Variants in ZNF385B observed in about 807,000 individuals in gnomAD.
ZNF385B encodes the protein zinc finger protein 385B.
Under a neutral mutation model 39.2 loss-of-function variants are expected in ZNF385B, and 23 were observed. The ratio of observed to expected loss-of-function variants is 0.59; its 90% CI spans 0.42 to 0.83. The LOEUF (loss-of-function observed/expected upper bound fraction) is 0.83. Ranked by LOEUF, ZNF385B falls within the 40% of genes least tolerant of loss-of-function variation. ZNF385B has a pLI of 0.00. For synonymous variants in ZNF385B, 205 were observed against 222.6 expected (o/e 0.92, Z 0.70); for missense variants, 552 against 598.9 (o/e 0.92, Z 0.82).
At chr2:179,514,125 T>TGGG (rs2057905548) in intron 5 of ZNF385B, 1 of 152,240 alleles carries the variant, frequency 6.6e-6, no homozygotes, top group African/African-American at 2.4e-5. Context: ...CTCACTGGGC[T>TGGG]AACATCGAGG....
At chr2:179,652,864 A>G (rs1472208496) in intron 3 of ZNF385B, among the ~76,000 whole-genome samples, 2 of 144,270 alleles carry the variant, frequency 1.4e-5, no homozygotes, top group African/African-American at 2.5e-5. Context: ...AAAAAAAATC[A>G]TCAGAAGATT....
chr2:179,559,763 G>A (rs1052360655), intron 3 of ZNF385B, among the ~76,000 whole-genome samples: 15 of 151,886 alleles, frequency 9.9e-5, no homozygotes, highest in African/African-American at 3.6e-4. Context: ...ATGGTTACTT[G>A]TGTGTGTGGT....
intron 5 of ZNF385B, among the ~76,000 whole-genome samples, chr2:179,494,541 A>G (rs968449339): frequency 6.6e-6 from 1 of 152,322 alleles, no homozygotes; most frequent in South Asian, 2.1e-4. Flanking sequence ...GACATAAATC[A>G]TCCATAATTT....
chr2:179,511,673 A>G (rs1372007363), intron 5 of ZNF385B, among the ~76,000 whole-genome samples: 1 of 152,210 alleles, frequency 6.6e-6, no homozygotes, highest in Non-Finnish European at 1.5e-5. Context: ...AAATGTTTAT[A>G]CAAGTGGTTG....
intron 3 of ZNF385B, among the ~76,000 whole-genome samples, chr2:179,556,891 T>G (rs961796108): frequency 6.7e-6 from 1 of 148,776 alleles, no homozygotes; most frequent in Non-Finnish European, 1.5e-5. Context: ...AATCCAACAA[T>G]TGGCAGTTAT....
intron 3 of ZNF385B, among the ~76,000 whole-genome samples, chr2:179,737,529 T>C (rs1392195142): frequency 6.6e-6 from 1 of 152,204 alleles, no homozygotes; most frequent in African/African-American, 2.4e-5. Flanking sequence ...TTTTAGGTTT[T>C]AACTTTCAGA....
intron 4 of ZNF385B, among the ~76,000 whole-genome samples, chr2:179,538,567 A>T (rs1208715172): frequency 6.6e-6 from 1 of 152,214 alleles, no homozygotes; most frequent in East Asian, 1.9e-4. Flanking sequence ...TCAGAATCTC[A>T]GAGGTTCTAG....
At chr2:179,715,093 A>C (rs184389156) in intron 3 of ZNF385B, among the ~76,000 whole-genome samples, 21 of 152,294 alleles carry the variant, frequency 1.4e-4, no homozygotes, top group African/African-American at 5.1e-4. Context: ...AAAATTAAAC[A>C]CATCTATACA....
At chr2:179,778,943 T>C (rs1336342043) in intron 1 of ZNF385B, among the ~76,000 whole-genome samples, 1 of 152,232 alleles carries the variant, frequency 6.6e-6, no homozygotes, top group East Asian at 1.9e-4. Context: ...TTCATGTTTA[T>C]TTCTAGCCTT....
chr2:179,450,605 T>C (rs1002910452), intron 6 of ZNF385B, among the ~76,000 whole-genome samples: 1 of 151,926 alleles, frequency 6.6e-6, no homozygotes, highest in Non-Finnish European at 1.5e-5. Flanking sequence ...AAACAACAGG[T>C]GCTGGAGAGG....
rs756014813 is a variant in ZNF385B, at chr2:179,769,613, T to A, written c.188A>T (p.Gln63Leu). The part of the protein sequence containing the change: ...VCNIQLNSAA[Q>L]AQVHSNGKSH... ...TTTGCCGTTGGAATGCACCTGAGCC[T>A]GGGCTGCAGAGTTCAGCTGGATGTT... Residue 63 changes from glutamine (Q) to leucine (L), a missense_variant, in exon 3 of 10, where the codon CAG (glutamine) becomes CTG (leucine). Coordinates refer to ENST00000410066, the MANE Select transcript of ZNF385B (RefSeq NM_152520.6). 6.2e-7 allele frequency: 1 copy of A among 1,614,074 alleles called. No individual in the cohort carries two copies. The highest frequency in any genetic ancestry group is 1.7e-5 in the Admixed American group (1 of 60,006).
At chr2:179,485,072 C>G (rs1443082084) in intron 5 of ZNF385B, among the ~76,000 whole-genome samples, 1 of 152,062 alleles carries the variant, frequency 6.6e-6, no homozygotes, top group Non-Finnish European at 1.5e-5. Flanking sequence ...ATGATACACA[C>G]AAATTCCAAA....
chr2:179,545,120 C>T (rs762464397), intron 3 of ZNF385B, 151 bp from the exon 4 acceptor site: 64 of 878,534 alleles, frequency 7.3e-5, no homozygotes, highest in Non-Finnish European at 1.0e-4. Flanking sequence ...GTAGTAAACA[C>T]AATAAAAAGG....
intron 9 of ZNF385B, among the ~76,000 whole-genome samples, chr2:179,444,646 A>C (rs1233796315): frequency 2.6e-5 from 4 of 152,226 alleles, no homozygotes; most frequent in Non-Finnish European, 4.4e-5. Context: ...TTTTGAAAAC[A>C]ACTTGGTAAA....
intron 6 of ZNF385B, among the ~76,000 whole-genome samples, chr2:179,466,977 G>A (rs941607725): frequency 6.7e-6 from 1 of 149,430 alleles, no homozygotes; most frequent in Non-Finnish European, 1.5e-5. Context: ...GGGAAAGGGA[G>A]GGGAGGGGAA....
intron 4 of ZNF385B, among the ~76,000 whole-genome samples, chr2:179,527,713 T>C (rs983407521): frequency 6.6e-6 from 1 of 152,154 alleles, no homozygotes; most frequent in Non-Finnish European, 1.5e-5. Context: ...ATATTACACA[T>C]TTATAAATGT....
chr2:179,818,705 C>T (rs752508286), intron 1 of ZNF385B, among the ~76,000 whole-genome samples: 2 of 152,198 alleles, frequency 1.3e-5, no homozygotes, highest in Non-Finnish European at 2.9e-5. Flanking sequence ...TCAGTTCGTT[C>T]GGCCTCACTA....
chr2:179,468,939 C>T (rs1336936691), intron 6 of ZNF385B, among the ~76,000 whole-genome samples: 2 of 152,102 alleles, frequency 1.3e-5, no homozygotes, highest in African/African-American at 4.8e-5. Context: ...AAGAAAGATA[C>T]CAATCCTTTA....
chr2:179,764,118 T>C (rs1703555904), intron 3 of ZNF385B, among the ~76,000 whole-genome samples: 1 of 152,202 alleles, frequency 6.6e-6, no homozygotes, highest in Admixed American at 6.5e-5. Flanking sequence ...TTTTGCTTCA[T>C]GTATTTTGAG....
Sources: gnomAD v4.1 joint callset for allele counts (sites outside exome capture counted in the v4.1 genomes callset) on GRCh38, gnomAD v4.1.1 for gene constraint, MANE v1.5 for transcripts, NCBI Gene and HGNC (gene_info 2026-07-23, HGNC 2026-07-21) for gene names.